CD5L: variants seen among roughly 807,000 people sequenced by gnomAD.
CD5L encodes the protein CD5 molecule like.
CD5L carries 39 observed loss-of-function variants against 40.8 expected under a neutral mutation model. The ratio of observed to expected loss-of-function variants is 0.96; its 90% CI spans 0.74 to 1.25. CD5L has a LOEUF of 1.25. Among genes scored for constraint, CD5L ranks in the 50% most tolerant of loss-of-function variants. The probability of loss-of-function intolerance (pLI) is 0.00; values close to 1 mark genes in which losing one functional copy is unlikely to be tolerated. For synonymous variants in CD5L, 192 were observed against 169.6 expected (o/e 1.13, Z -1.03); for missense variants, 433 against 435.9 (o/e 0.99, Z 0.06).
In CD5L at chr1:157,831,346, T is replaced by A. The variant is rs957542287; in HGVS notation, c.*618A>T. ...CACGTCATGAAAAGGTCTAGGATTA[T>A]AGGACGCTGCTCTGCTCCTGAAAGA... On this transcript the variant is annotated 3_prime_UTR_variant, in exon 6 of 6. Transcript: ENST00000368174. The A allele has an allele frequency of 3.2e-5, 32 of 985,334 alleles. No homozygotes were observed. Among genetic ancestry groups the A allele is most frequent in the Non-Finnish European group, 3.9e-5 (32 of 829,932 alleles). The allele number at this position is 985,334 out of a possible 1,614,324, so 61.0% of individuals were successfully genotyped here.
chr1:157,831,126 C>T lies in CD5L; in HGVS notation c.*838G>A. 1.0e-6 allele frequency: 1 copy of T among 985,348 alleles called. No homozygotes were observed. The highest frequency in any genetic ancestry group is 1.2e-6 in the Non-Finnish European group (1 of 829,858). 61.0% of individuals were successfully genotyped at this position (985,348 alleles called of 1,614,324 possible). On this transcript the variant is annotated 3_prime_UTR_variant, in exon 6 of 6. Coordinates refer to ENST00000368174, the MANE Select transcript of CD5L (RefSeq NM_005894.3). ...TTTCACTTTCGCTTGGCATAAGACACAACTTTAGCCCTCCCTGATCTCTTT... is the reference window on the plus strand; with the variant it reads ...TTTCACTTTCGCTTGGCATAAGACATAACTTTAGCCCTCCCTGATCTCTTT...
In CD5L at chr1:157,832,735, T is replaced by C. The variant is rs571338350; in HGVS notation, c.1039+457A>G. 2.6e-5 allele frequency among the ~76,000 whole-genome samples: 4 copies of C among 152,270 alleles called. No individual in the cohort carries two copies. The South Asian group carries it at 8.3e-4, about 32-fold the overall frequency. ...TAGAACCCTCTTTGATAGTTTAACTTAGAGTTTCAAGGTTAGGGTCATCCA... is the reference window on the plus strand; with the variant it reads ...TAGAACCCTCTTTGATAGTTTAACTCAGAGTTTCAAGGTTAGGGTCATCCA... On this transcript the variant is annotated intron_variant, in intron 5 of 5. Transcript: ENST00000368174.
At chr1:157,840,101 C>T (rs974793753) in intron 1 of CD5L, among the ~76,000 whole-genome samples, 1 of 152,090 alleles carries the variant, frequency 6.6e-6, no homozygotes, top group Non-Finnish European at 1.5e-5. Context: ...TTCTCTTTTG[C>T]TTTTTTCCTA....
chr1:157,834,622 C>A lies in CD5L; in HGVS notation c.503G>T (p.Ser168Ile). Residue 168 changes from serine (S) to isoleucine (I), a missense_variant, in exon 4 of 6, where the codon AGC (serine) becomes ATC (isoleucine). By Grantham distance (142) the Ser-to-Ile change is moderately radical. Coordinates refer to ENST00000368174, the MANE Select transcript of CD5L (RefSeq NM_005894.3). ...GCACACCACCTTTGCGGCCCGGAGG[C>A]TCCAGCCTGTCTGGCACACGGTATA... ...QWYTVCQTGW[S>I]LRAAKVVCRQ... The A allele has an allele frequency of 6.2e-7, 1 of 1,614,224 alleles. No homozygotes were observed. Among genetic ancestry groups the A allele is most frequent in the Non-Finnish European group, 8.5e-7 (1 of 1,180,040 alleles).
At chr1:157,828,996 A>G (rs1295941269), downstream of CD5L, among the ~76,000 whole-genome samples, 4 of 152,252 alleles carry the variant, frequency 2.6e-5, no homozygotes, top group Non-Finnish European at 4.4e-5. Flanking sequence ...TCTAATAGGC[A>G]TCAGAATTAA....
chr1:157,836,869 C>G (rs1385406969), intron 2 of CD5L, among the ~76,000 whole-genome samples: 1 of 152,126 alleles, frequency 6.6e-6, no homozygotes, highest in Non-Finnish European at 1.5e-5. Context: ...ATTCCAGGGA[C>G]TAGAAGCATA....
At position 157,833,484 on chromosome 1, in the gene CD5L, T is replaced by C; in HGVS notation, c.747A>G (p.Gly249=). Residue 249 remains glycine (G), a synonymous_variant, in exon 5 of 6, where the codon GGA becomes GGG. Transcript: ENST00000368174. ...CCAGTCGCCCAGAGCAGAGGTTGTCTCCTCCTACTAGTCTCAAGTCAAAGG... is the reference window on the plus strand; with the variant it reads ...CCAGTCGCCCAGAGCAGAGGTTGTCCCCTCCTACTAGTCTCAAGTCAAAGG... ...EDPFDLRLVG[G]DNLCSGRLEV... is the part of the protein sequence containing the mutation. 1 of 1,613,110 alleles carries C rather than the reference T, an allele frequency of 6.2e-7. No homozygotes were observed. The highest frequency in any genetic ancestry group is 1.7e-5 in the Admixed American group (1 of 59,976).
chr1:157,833,262 C>T lies in CD5L; in HGVS notation c.969G>A (p.Glu323=). 9 of 1,614,216 alleles carry T rather than the reference C, an allele frequency of 5.6e-6. No individual in the cohort carries two copies. Among genetic ancestry groups the T allele is most frequent in the Non-Finnish European group, 7.6e-6 (9 of 1,180,026 alleles). The change falls in exon 5 of 6, where the codon GAG becomes GAA. Residue 323 remains glutamate (E), a synonymous_variant. Transcript: ENST00000368174. ...ACCCCCAAAATCTGTGCTGGCACTG[C>T]TCCAGGGACTGCTCCTCCCCTGAGC... ...VRCSGEEQSL[E]QCQHRFWGFH...
downstream of CD5L, among the ~76,000 whole-genome samples, chr1:157,827,103 TA>T (rs1655919600): frequency 6.6e-6 from 1 of 152,196 alleles, no homozygotes; most frequent in African/African-American, 2.4e-5. Flanking sequence ...TTATTGTAAA[TA>T]AAGTTACCAG....
At chr1:157,836,467 T>G (rs1208886636) in intron 2 of CD5L, among the ~76,000 whole-genome samples, 1 of 152,164 alleles carries the variant, frequency 6.6e-6, no homozygotes, top group Non-Finnish European at 1.5e-5. Context: ...AGTTTTAGAT[T>G]CTCTGGCGGT....
intron 1 of CD5L, among the ~76,000 whole-genome samples, chr1:157,839,972 T>C (rs1169520561): frequency 6.6e-6 from 1 of 152,220 alleles, no homozygotes; most frequent in East Asian, 1.9e-4. Flanking sequence ...AGCTCTGCCA[T>C]TGTAGCCTGA....
At chr1:157,827,989 A>T (rs888532035), downstream of CD5L, among the ~76,000 whole-genome samples, 2 of 152,228 alleles carry the variant, frequency 1.3e-5, no homozygotes, top group African/African-American at 4.8e-5. Context: ...TTCTTCCAGA[A>T]CCCAGAAGAA....
intron 1 of CD5L, among the ~76,000 whole-genome samples, chr1:157,840,521 C>G (rs934021043): frequency 2.6e-5 from 4 of 152,076 alleles, no homozygotes; most frequent in Non-Finnish European, 5.9e-5. Context: ...CTCTCATTAC[C>G]CTCATTCCCT....
chr1:157,828,724 T>C (rs1292649799), downstream of CD5L, among the ~76,000 whole-genome samples: 1 of 152,220 alleles, frequency 6.6e-6, no homozygotes, highest in African/African-American at 2.4e-5. Flanking sequence ...CTCACAAGTG[T>C]TTCCTGAAAT....
intron 1 of CD5L, 48 bp downstream of exon 1, chr1:157,841,626 G>T (rs781571036): frequency 1.3e-6 from 2 of 1,571,570 alleles, no homozygotes; most frequent in South Asian, 2.3e-5. Context: ...CCTAATCAAA[G>T]TGCCAGAAAA....
At chr1:157,827,275 T>C (rs1316329637), downstream of CD5L, among the ~76,000 whole-genome samples, 1 of 12,542 alleles carries the variant, frequency 8.0e-5, no homozygotes, top group East Asian at 0.012. Flanking sequence ...TGTATGTGTG[T>C]GTGTGTGTGT....
At chr1:157,827,569 C>G (rs1057076921), downstream of CD5L, among the ~76,000 whole-genome samples, 1 of 152,174 alleles carries the variant, frequency 6.6e-6, no homozygotes. Context: ...ATGCTCCCTT[C>G]TTCTGTGTTT....
chr1:157,841,569 CT>C lies in CD5L; in HGVS notation c.28+104del. 4 of 985,388 alleles carry C rather than the reference CT, an allele frequency of 4.1e-6. No homozygotes were observed. The South Asian group carries it at 4.7e-5, about 12-fold the overall frequency. The allele number at this position is 985,388 out of a possible 1,614,324, so 61.0% of individuals were successfully genotyped here. A position where few individuals can be genotyped will look rare whatever the true frequency, so the allele number is the denominator to read the frequency against. On this transcript the variant is annotated intron_variant, in intron 1 of 5. Coordinates refer to ENST00000368174, the MANE Select transcript of CD5L (RefSeq NM_005894.3). ...TGTAAAAAGGAGGAAGAAGCTCATC[CT>C]TGAAAAACATCTAAATCTGTTCCAG...
intron 2 of CD5L, 63 bp downstream of exon 2, chr1:157,839,321 G>A: frequency 1.3e-6 from 2 of 1,504,390 alleles, no homozygotes; most frequent in East Asian, 4.5e-5. Flanking sequence ...GGCTCAAGAA[G>A]CTTCAAAATT....
Sources: allele counts gnomAD v4.1 joint callset (sites outside exome capture counted in the v4.1 genomes callset), GRCh38; gene constraint gnomAD v4.1.1; transcripts MANE v1.5; gene names NCBI Gene and HGNC (gene_info 2026-07-23, HGNC 2026-07-21).